Variants in LMNTD1 observed in about 807,000 individuals in gnomAD.
The protein encoded by LMNTD1 is lamin tail domain-containing protein 1.
In LMNTD1, 35 loss-of-function variants were observed where a neutral mutation model predicts 50.9. That is an observed-to-expected ratio of 0.69 (90% confidence interval 0.53 to 0.91). LMNTD1 has a LOEUF of 0.91. Ranked by LOEUF, LMNTD1 falls within the 40% of genes least tolerant of loss-of-function variation. The pLI is 0.00. For missense variants in LMNTD1, 470 were observed against 475.5 expected (o/e 0.99, Z 0.11); for synonymous variants, 153 against 161.9 (o/e 0.94, Z 0.42).
At chr12:25,578,547 T>C (rs1202381845) in intron 1 of LMNTD1, among the ~76,000 whole-genome samples, 1 of 152,206 alleles carries the variant, frequency 6.6e-6, no homozygotes, top group Non-Finnish European at 1.5e-5. Flanking sequence ...ACTATGTAAA[T>C]GAGGGATCTG....
intron 2 of LMNTD1, among the ~76,000 whole-genome samples, chr12:25,550,284 T>C (rs1943675104): frequency 6.6e-6 from 1 of 152,210 alleles, no homozygotes. Flanking sequence ...TCAGTACAAT[T>C]ATTTTACAAG....
At chr12:25,608,746 C>T (rs1235549059) in intron 1 of LMNTD1, among the ~76,000 whole-genome samples, 1 of 152,132 alleles carries the variant, frequency 6.6e-6, no homozygotes, top group Non-Finnish European at 1.5e-5. Context: ...CTCTGGCTGC[C>T]CTTAGCATTT....
intron 1 of LMNTD1, among the ~76,000 whole-genome samples, chr12:25,612,214 CAAAT>C (rs1946260185): frequency 6.6e-6 from 1 of 151,278 alleles, no homozygotes; most frequent in South Asian, 2.1e-4. Context: ...CTTGTTAAAA[CAAAT>C]GAATGAACAA....
chr12:25,641,997 A>G (rs1946967050), intron 1 of LMNTD1, among the ~76,000 whole-genome samples: 1 of 152,180 alleles, frequency 6.6e-6, no homozygotes, highest in Admixed American at 6.5e-5. Context: ...CTAAAACTCA[A>G]TTCAGCAACC....
intron 1 of LMNTD1, among the ~76,000 whole-genome samples, chr12:25,572,271 C>A (rs1335913410): frequency 6.6e-6 from 1 of 152,128 alleles, no homozygotes; most frequent in Non-Finnish European, 1.5e-5. Flanking sequence ...TGGGAAAGGT[C>A]CTTTAGTGCT....
At chr12:25,507,194 C>T (rs529519462) in intron 8 of LMNTD1, among the ~76,000 whole-genome samples, 18 of 152,196 alleles carry the variant, frequency 1.2e-4, no homozygotes, top group African/African-American at 4.3e-4. Flanking sequence ...TCTATATATG[C>T]CTACATGACC....
intron 1 of LMNTD1, among the ~76,000 whole-genome samples, chr12:25,611,636 T>C (rs569601928): frequency 5.9e-5 from 9 of 152,334 alleles, no homozygotes; most frequent in Admixed American, 4.6e-4. Flanking sequence ...GCTTCCAAAA[T>C]ATGATTGAGA....
At chr12:25,515,739 A>G (rs1224542190) in intron 8 of LMNTD1, among the ~76,000 whole-genome samples, 1 of 151,558 alleles carries the variant, frequency 6.6e-6, no homozygotes, top group African/African-American at 2.4e-5. Context: ...CTTTAAAATT[A>G]TCCTATTTAT....
chr12:25,562,352 A>G (rs1944366137), intron 1 of LMNTD1, among the ~76,000 whole-genome samples: 1 of 152,128 alleles, frequency 6.6e-6, no homozygotes, highest in African/African-American at 2.4e-5. Flanking sequence ...ATCTCTCAGC[A>G]TTTGTTTGTC....
At chr12:25,635,252 G>A (rs28796332) in intron 1 of LMNTD1, among the ~76,000 whole-genome samples, 1,383 of 127,418 alleles carry the variant, frequency 0.011, 3 homozygotes, top group Middle Eastern at 0.029. Context: ...AAAAAAAAAA[G>A]AAAAAAAAAA....
At chr12:25,527,000 G>A in intron 4 of LMNTD1, 45 bp from the exon 5 acceptor site, 8 of 1,363,646 alleles carry the variant, frequency 5.9e-6, no homozygotes, top group Non-Finnish European at 8.1e-6. Context: ...TCAGATAGGA[G>A]TGTCTTTGAC....
intron 1 of LMNTD1, among the ~76,000 whole-genome samples, chr12:25,620,279 A>G (rs2136562396): frequency 6.6e-6 from 1 of 152,362 alleles, no homozygotes; most frequent in East Asian, 1.9e-4. Flanking sequence ...TTTTAATGTT[A>G]ACGGAACTCC....
intron 4 of LMNTD1, among the ~76,000 whole-genome samples, chr12:25,537,412 AC>A (rs1342911720): frequency 6.6e-6 from 1 of 152,098 alleles, no homozygotes; most frequent in Non-Finnish European, 1.5e-5. Context: ...TGGGTCCCTG[AC>A]CCCTGACCCC....
chr12:25,645,184 T>C (rs143274738), intron 1 of LMNTD1, among the ~76,000 whole-genome samples: 3,028 of 152,098 alleles, frequency 0.02, 43 homozygotes, highest in Middle Eastern at 0.031. Flanking sequence ...TCATGAAGAG[T>C]TGGAGTCTAG....
At chr12:25,486,364 G>T (rs1938640960) in intron 9 of LMNTD1, among the ~76,000 whole-genome samples, 1 of 152,184 alleles carries the variant, frequency 6.6e-6, no homozygotes, top group Admixed American at 6.6e-5. Flanking sequence ...TTTGTATCCT[G>T]AGACTCCTGA....
rs1195819187 is a variant in LMNTD1 at position 25,517,561 on chromosome 12, G to T, written c.1189+1234C>A. Among the ~76,000 whole-genome samples, 7 of 24,276 alleles carry T rather than the reference G, an allele frequency of 2.9e-4. 3 individuals are homozygous for T. Among genetic ancestry groups the T allele is most frequent in the Non-Finnish European group, 7.2e-4 (7 of 9,742 alleles). 15.9% of individuals were successfully genotyped at this position (24,276 alleles called of 152,430 possible). A position where few individuals can be genotyped will look rare whatever the true frequency, so the allele number is the denominator to read the frequency against. ...ATCACACTCTGGGGACTGTTGTGGG[G>T]TGGGGGGAGGGGGGAGGGATAGTTT... On this transcript the variant is annotated intron_variant, in intron 8 of 9. Coordinates refer to ENST00000458174, the MANE Select transcript of LMNTD1 (RefSeq NM_001145728.2).
intron 1 of LMNTD1, among the ~76,000 whole-genome samples, chr12:25,639,519 T>C (rs539541195): frequency 7.8e-4 from 119 of 152,202 alleles, no homozygotes; most frequent in Non-Finnish European, 1.0e-3. Flanking sequence ...AGACATTTTT[T>C]CAAAAAAGAT....
At chr12:25,627,876 G>A (rs985875566) in intron 1 of LMNTD1, among the ~76,000 whole-genome samples, 11 of 151,890 alleles carry the variant, frequency 7.2e-5, no homozygotes, top group East Asian at 1.9e-4. Flanking sequence ...TTGGGAGGCC[G>A]AGACGGGCGG....
intron 8 of LMNTD1, among the ~76,000 whole-genome samples, chr12:25,506,982 C>A (rs1287249699): frequency 6.6e-6 from 1 of 152,080 alleles, no homozygotes; most frequent in Non-Finnish European, 1.5e-5. Context: ...CGGGTTCAAG[C>A]AATTCTTGTG....
Sources: allele counts gnomAD v4.1 joint callset (sites outside exome capture counted in the v4.1 genomes callset), GRCh38; gene constraint gnomAD v4.1.1; transcripts MANE v1.5; gene names NCBI Gene and HGNC (gene_info 2026-07-23, HGNC 2026-07-21).